The following PIWIL2 variants were observed in gnomAD, a reference collection of about 807,000 sequenced individuals.
PIWIL2 encodes piwi like RNA-mediated gene silencing 2.
A neutral mutation model predicts 116.5 loss-of-function variants in PIWIL2; 81 were observed. The ratio of observed to expected loss-of-function variants is 0.70; its 90% CI spans 0.58 to 0.84. The LOEUF (loss-of-function observed/expected upper bound fraction) is 0.84, where lower values mean the gene tolerates loss of function less well. PIWIL2 is among the 40% of genes least tolerant of loss of function. The pLI is 0.00. For synonymous variants in PIWIL2, 489 were observed against 429.5 expected, an observed-to-expected ratio of 1.14 and a Z score of -1.71; for missense variants, 1,272 against 1,212.3, an observed-to-expected ratio of 1.05 and a Z score of -0.73.
chr8:22,327,372 T>G lies in PIWIL2; in HGVS notation c.2403+9097T>G, dbSNP rs546417169. Reference sequence around the variant, plus strand: ...TTTTTGTGGGGTTTTTTGTTTCGTTTTTTTTTTTTTTTGAGACGGAGTTTC... The same window carrying G: ...TTTTTGTGGGGTTTTTTGTTTCGTTGTTTTTTTTTTTTGAGACGGAGTTTC... On this transcript the variant is annotated intron_variant, in intron 20 of 22. Transcript: ENST00000356766. 1.4e-4 allele frequency among the ~76,000 whole-genome samples: 21 copies of G among 149,560 alleles called. No individual in the cohort carries two copies. In the South Asian group the frequency reaches 3.2e-3, roughly 23 times the overall value.
chr8:22,296,596 T>C (rs922767181), intron 10 of PIWIL2, among the ~76,000 whole-genome samples: 2 of 152,236 alleles, frequency 1.3e-5, no homozygotes, highest in African/African-American at 4.8e-5. Context: ...CCTGAGAATT[T>C]TGAAGGCACT....
intron 20 of PIWIL2, among the ~76,000 whole-genome samples, chr8:22,341,107 G>A (rs1317989830): frequency 6.6e-6 from 1 of 152,112 alleles, no homozygotes; most frequent in Non-Finnish European, 1.5e-5. Flanking sequence ...GAGCCACCCA[G>A]TTCATGGTAC....
In PIWIL2 at chr8:22,315,121, G is replaced by T. The variant is rs1382835135; in HGVS notation, c.2184G>T (p.Glu728Asp). Residue 728 changes from glutamate (E) to aspartate (D), a missense_variant, in exon 18 of 23, where the codon GAG becomes GAT. By Grantham distance (45) the Glu-to-Asp change is conservative. Coordinates refer to ENST00000356766, the MANE Select transcript of PIWIL2 (RefSeq NM_018068.5). The part of the protein sequence containing the change: ...LLQINCKLGG[E>D]LWGVDIPLKQ... ...AGATTAACTGTAAATTGGGTGGTGA[G>T]CTCTGGGGAGTGGATATTCCTCTGG... is the stretch of plus-strand genomic sequence containing the variant. 1.2e-6 allele frequency: 2 copies of T among 1,602,634 alleles called. No homozygotes were observed. Among genetic ancestry groups the T allele is most frequent in the East Asian group, 2.2e-5 (1 of 44,814 alleles).
At chr8:22,335,938 A>G (rs1485922734) in intron 20 of PIWIL2, among the ~76,000 whole-genome samples, 1 of 152,224 alleles carries the variant, frequency 6.6e-6, no homozygotes, top group Non-Finnish European at 1.5e-5. Flanking sequence ...GAGTCAATCC[A>G]TGAGAAAGAC....
intron 1 of PIWIL2, among the ~76,000 whole-genome samples, chr8:22,278,477 G>A (rs763864046): frequency 1.3e-5 from 2 of 152,044 alleles, no homozygotes; most frequent in South Asian, 2.1e-4. Flanking sequence ...CCATGATCAT[G>A]CCACTGCACT....
At chr8:22,296,218 G>C (rs112796239) in intron 10 of PIWIL2, among the ~76,000 whole-genome samples, 1 of 151,916 alleles carries the variant, frequency 6.6e-6, no homozygotes, top group African/African-American at 2.4e-5. Context: ...ACCACGCCCA[G>C]CTAATTTTTG....
Position 22,302,828 on chromosome 8 carries a change from C to T in PIWIL2, c.1182-1193C>T, listed in dbSNP as rs755695632. Among the ~76,000 whole-genome samples, 10 of 152,122 alleles carry T rather than the reference C, an allele frequency of 6.6e-5. 1 individual carries two copies. On this transcript the variant is annotated intron_variant, in intron 10 of 22. Coordinates refer to ENST00000356766, the MANE Select transcript of PIWIL2 (RefSeq NM_018068.5). Reference sequence around the variant, plus strand: ...CTCTCTTCTAAGCATAGATGGTTTCCCAGTCAGCCAAGGATGTGTGGCCTT... The same window carrying T: ...CTCTCTTCTAAGCATAGATGGTTTCTCAGTCAGCCAAGGATGTGTGGCCTT...
At chr8:22,349,867 A>G (rs1392825947) in intron 20 of PIWIL2, among the ~76,000 whole-genome samples, 1 of 152,240 alleles carries the variant, frequency 6.6e-6, no homozygotes, top group African/African-American at 2.4e-5. Flanking sequence ...TTGAAGGGCC[A>G]AACTCCACTG....
rs752429880 is a variant in PIWIL2, at chr8:22,287,593, A to T, written c.809A>T (p.Asn270Ile). Residue 270 changes from asparagine to isoleucine, a missense_variant, in exon 7 of 23, where the codon AAC (asparagine) becomes ATC (isoleucine). Physicochemically the swap from Asn to Ile is moderately radical, Grantham distance 149 (BLOSUM62 -3). Transcript: ENST00000356766. Reference sequence around the variant, plus strand: ...AAGGACCATCAAGCTGTCACCGGCAACGTCACTGCGTTTGATGGATCTATT... The same window carrying T: ...AAGGACCATCAAGCTGTCACCGGCATCGTCACTGCGTTTGATGGATCTATT... The part of the protein sequence containing the change: ...MLKDHQAVTG[N>I]VTAFDGSILY... The T allele has an allele frequency of 6.2e-7, 1 of 1,613,938 alleles. No homozygotes were observed. The highest frequency in any genetic ancestry group is 8.5e-7 in the Non-Finnish European group (1 of 1,179,768).
chr8:22,304,305 G>C, intron 11 of PIWIL2, 96 bp downstream of exon 11: 1 of 737,880 alleles, frequency 1.4e-6, no homozygotes, highest in Non-Finnish European at 2.3e-6. Context: ...CATACCACTT[G>C]ACACTTTTCA....
chr8:22,295,315 A>G (rs1289929329), intron 10 of PIWIL2, among the ~76,000 whole-genome samples: 2 of 148,102 alleles, frequency 1.4e-5, no homozygotes, highest in African/African-American at 2.5e-5. Context: ...CTGGGGCTAC[A>G]GGCTTGTGCC....
At chr8:22,281,355 G>C (rs1461804235) in intron 3 of PIWIL2, 22 bp from the exon 4 acceptor site, 1 of 1,601,520 alleles carries the variant, frequency 6.2e-7, no homozygotes, top group African/African-American at 1.4e-5. Context: ...AGTCATTGCT[G>C]GGGTTCGGTT....
chr8:22,322,988 C>A (rs1482039505), intron 20 of PIWIL2, among the ~76,000 whole-genome samples: 1 of 151,886 alleles, frequency 6.6e-6, no homozygotes, highest in Non-Finnish European at 1.5e-5. Context: ...ATGATCTCGG[C>A]TCACTGCAAC....
chr8:22,351,440 C>CACATAT (rs1832353149), intron 20 of PIWIL2, among the ~76,000 whole-genome samples: 2 of 52,932 alleles, frequency 3.8e-5, no homozygotes, highest in Non-Finnish European at 7.8e-5. Context: ...TGCATACATA[C>CACATAT]ATATATATAT....
intron 2 of PIWIL2, 151 bp downstream of exon 2, chr8:22,279,735 C>G: frequency 1.5e-6 from 1 of 680,618 alleles, no homozygotes; most frequent in South Asian, 1.8e-5. Context: ...GGTGGATCAT[C>G]TGAGGTCGGG....
chr8:22,320,872 C>T (rs1027627768), intron 20 of PIWIL2, among the ~76,000 whole-genome samples: 5 of 152,066 alleles, frequency 3.3e-5, no homozygotes, highest in Non-Finnish European at 7.4e-5. Context: ...GGATTATAGG[C>T]GTGAGCCACC....
chr8:22,295,686 C>G (rs189290486), intron 10 of PIWIL2, among the ~76,000 whole-genome samples: 1 of 152,122 alleles, frequency 6.6e-6, no homozygotes, highest in East Asian at 1.9e-4. Context: ...TGTTCTACCA[C>G]CTTCGTTCCC....
chr8:22,323,622 A>T (rs1831658994), intron 20 of PIWIL2, among the ~76,000 whole-genome samples: 1 of 152,162 alleles, frequency 6.6e-6, no homozygotes, highest in African/African-American at 2.4e-5. Context: ...TCATCATAAG[A>T]CTTGTTTACA....
intron 1 of PIWIL2, among the ~76,000 whole-genome samples, chr8:22,277,313 T>C (rs6557952): frequency 0.38 from 57,669 of 152,010 alleles, 12,418 homozygotes; most frequent in East Asian, 0.62. Flanking sequence ...TGGGCCACCA[T>C]GCCCGACCTA....
Sources: allele counts gnomAD v4.1 joint callset (sites outside exome capture counted in the v4.1 genomes callset), GRCh38; gene constraint gnomAD v4.1.1; transcripts MANE v1.5; gene names NCBI Gene and HGNC (gene_info 2026-07-23, HGNC 2026-07-21).